Variants in ENPEP observed in about 807,000 individuals in gnomAD.
The protein encoded by ENPEP is AP-A.
Under a neutral mutation model 114.5 loss-of-function variants are expected in ENPEP, and 103 were observed. The ratio of observed to expected loss-of-function variants is 0.90; its 90% CI spans 0.77 to 1.06. The LOEUF (loss-of-function observed/expected upper bound fraction) is 1.06. Ranked by LOEUF, ENPEP falls within the 50% of genes least tolerant of loss-of-function variation. The probability of loss-of-function intolerance (pLI) is 0.00; values close to 1 mark genes in which losing one functional copy is unlikely to be tolerated. For missense variants in ENPEP, 1,196 were observed against 1,161.3 expected (o/e 1.03, Z -0.43); for synonymous variants, 420 against 422.0 (o/e 1.00, Z 0.06).
At chr4:110,518,853 T>A (rs1725877501) in intron 8 of ENPEP, among the ~76,000 whole-genome samples, 2 of 152,174 alleles carry the variant, frequency 1.3e-5, no homozygotes. Context: ...GTAGTCAAAC[T>A]CCTCTAAATT....
At chr4:110,541,434 T>C (rs1184279509) in intron 11 of ENPEP, among the ~76,000 whole-genome samples, 1 of 152,154 alleles carries the variant, frequency 6.6e-6, no homozygotes, top group Non-Finnish European at 1.5e-5. Flanking sequence ...ATTTTATTGA[T>C]TTTACCTGTG....
intron 3 of ENPEP, among the ~76,000 whole-genome samples, chr4:110,493,470 C>G (rs898695840): frequency 9.9e-5 from 15 of 152,142 alleles, no homozygotes; most frequent in Non-Finnish European, 2.1e-4. Context: ...TTTGAAACTT[C>G]TCAGAGGCTC....
intron 3 of ENPEP, among the ~76,000 whole-genome samples, chr4:110,499,097 C>T (rs1725055528): frequency 6.6e-6 from 1 of 152,074 alleles, no homozygotes; most frequent in East Asian, 1.9e-4. Flanking sequence ...TTTTTTTCCC[C>T]TGCATTTTTC....
intron 13 of ENPEP, among the ~76,000 whole-genome samples, chr4:110,544,147 C>T (rs1003961477): frequency 5.9e-5 from 9 of 152,036 alleles, no homozygotes; most frequent in African/African-American, 2.2e-4. Flanking sequence ...AAAACAGGCT[C>T]TTGAACCCCA....
At chr4:110,520,494 G>T in intron 10 of ENPEP, 128 bp downstream of exon 10, 1 of 977,634 alleles carries the variant, frequency 1.0e-6, no homozygotes, top group Non-Finnish European at 1.5e-6. Context: ...GTGCCTTTAG[G>T]GGAACAAGGA....
At chr4:110,544,206 C>A (rs1726963325) in intron 13 of ENPEP, among the ~76,000 whole-genome samples, 1 of 152,050 alleles carries the variant, frequency 6.6e-6, no homozygotes, top group African/African-American at 2.4e-5. Context: ...TAACTTCTCT[C>A]TGGCTCAATT....
chr4:110,545,060 C>T (rs1417140371), intron 13 of ENPEP, among the ~76,000 whole-genome samples: 2 of 152,030 alleles, frequency 1.3e-5, no homozygotes, highest in African/African-American at 4.8e-5. Flanking sequence ...GCCAAGAGGG[C>T]AGCTTCAAAG....
chr4:110,481,246 C>A (rs1724301188), intron 1 of ENPEP, among the ~76,000 whole-genome samples: 1 of 151,168 alleles, frequency 6.6e-6, no homozygotes, highest in Non-Finnish European at 1.5e-5. Context: ...AATTATGGAA[C>A]TTTTCAGAGA....
chr4:110,482,655 T>C (rs952924650), intron 1 of ENPEP, among the ~76,000 whole-genome samples: 1 of 152,224 alleles, frequency 6.6e-6, no homozygotes, highest in Non-Finnish European at 1.5e-5. Context: ...AGTTTGTTCA[T>C]TATATTCTTA....
At chr4:110,534,709 A>C (rs643655) in intron 11 of ENPEP, among the ~76,000 whole-genome samples, 30,653 of 151,100 alleles carry the variant, frequency 0.2, 3,375 homozygotes, top group South Asian at 0.31. Flanking sequence ...GGGTTTCACA[A>C]TGTTGGCCAG....
chr4:110,488,679 G>C lies in ENPEP; in HGVS notation c.783G>C (p.Val261=). Residue 261 remains valine, a synonymous_variant, in exon 2 of 20, where the codon GTG becomes GTC. Transcript: ENST00000265162. ...KEYGALSNMP[V]AKEESVDDKW... The stretch of plus-strand genomic sequence containing the variant: ...ACGGAGCACTTTCAAATATGCCAGT[G>C]GCGGTAAGTATTTTTTAAATGTTTT... 1 of 1,608,220 alleles carries C rather than the reference G, an allele frequency of 6.2e-7. No homozygotes were observed. The highest frequency in any genetic ancestry group is 8.5e-7 in the Non-Finnish European group (1 of 1,178,456).
intron 13 of ENPEP, among the ~76,000 whole-genome samples, chr4:110,546,771 G>A (rs1727084901): frequency 6.6e-6 from 1 of 152,094 alleles, no homozygotes; most frequent in African/African-American, 2.4e-5. Flanking sequence ...AAGGAAGTGA[G>A]AAGATGGGGA....
chr4:110,490,266 A>G (rs1287970111), intron 2 of ENPEP, among the ~76,000 whole-genome samples: 2 of 152,182 alleles, frequency 1.3e-5, no homozygotes, highest in African/African-American at 4.8e-5. Context: ...CTGGAGCCCC[A>G]CCACGATTAT....
intron 10 of ENPEP, among the ~76,000 whole-genome samples, chr4:110,520,787 G>A (rs574159356): frequency 7.9e-5 from 12 of 152,208 alleles, no homozygotes; most frequent in African/African-American, 2.9e-4. Flanking sequence ...AAGACTGAAG[G>A]GTAAGAGTGA....
At chr4:110,538,424 C>T (rs1366405834) in intron 11 of ENPEP, among the ~76,000 whole-genome samples, 1 of 152,194 alleles carries the variant, frequency 6.6e-6, no homozygotes, top group Non-Finnish European at 1.5e-5. Context: ...TCTTCTGTAG[C>T]TTCCTCACCT....
At chr4:110,502,012 G>C (rs866329927) in intron 3 of ENPEP, among the ~76,000 whole-genome samples, 1 of 152,104 alleles carries the variant, frequency 6.6e-6, no homozygotes. Flanking sequence ...TTGTGGTTTT[G>C]ATTTGCAGTT....
intron 7 of ENPEP, 71 bp downstream of exon 7, chr4:110,513,620 A>T: frequency 6.4e-7 from 1 of 1,561,496 alleles, no homozygotes. Flanking sequence ...ATACCTAAAA[A>T]TGGTAAGAAT....
chr4:110,484,654 A>G (rs1173828878), intron 1 of ENPEP, among the ~76,000 whole-genome samples: 1 of 151,178 alleles, frequency 6.6e-6, no homozygotes, highest in Non-Finnish European at 1.5e-5. Context: ...GCCTACAATC[A>G]AGCAGAATGT....
chr4:110,548,993 A>G (rs1197107658), intron 14 of ENPEP, among the ~76,000 whole-genome samples: 1 of 152,034 alleles, frequency 6.6e-6, no homozygotes, highest in Non-Finnish European at 1.5e-5. Flanking sequence ...GTAAAACCTA[A>G]AGCAATATCA....
Sources: allele counts gnomAD v4.1 joint callset (sites outside exome capture counted in the v4.1 genomes callset), GRCh38; gene constraint gnomAD v4.1.1; transcripts MANE v1.5; gene names NCBI Gene and HGNC (gene_info 2026-07-23, HGNC 2026-07-21).